The following IFT140 variants were observed in gnomAD, a reference collection of about 807,000 sequenced individuals.
IFT140 encodes intraflagellar transport protein 140 homolog.
A neutral mutation model predicts 164.6 loss-of-function variants in IFT140; 133 were observed. The observed-to-expected ratio is 0.81, with a 90% CI of 0.70 to 0.93. The LOEUF (loss-of-function observed/expected upper bound fraction) is 0.93, where lower values mean the gene tolerates loss of function less well. Among genes scored for constraint, IFT140 ranks in the 40% least tolerant of loss-of-function variants. IFT140 has a pLI of 0.00. For synonymous variants in IFT140, 860 were observed against 817.3 expected (o/e 1.05, Z -0.89); for missense variants, 2,045 against 1,972.3 (o/e 1.04, Z -0.70).
chr16:1,558,765 C>A (rs1204853212), intron 18 of IFT140, among the ~76,000 whole-genome samples: 1 of 152,238 alleles, frequency 6.6e-6, no homozygotes, highest in African/African-American at 2.4e-5. Context: ...ATCTGGATCC[C>A]GTTTCTCTGA....
At chr16:1,524,423 G>A in intron 24 of IFT140, 129 bp downstream of exon 24, 4 of 1,251,318 alleles carry the variant, frequency 3.2e-6, no homozygotes, top group East Asian at 2.5e-5. Context: ...CAGACGGGGT[G>A]AGCAGTGAGT....
intron 4 of IFT140, among the ~76,000 whole-genome samples, chr16:1,600,031 G>T (rs2035708204): frequency 6.8e-6 from 1 of 147,012 alleles, no homozygotes; most frequent in South Asian, 2.2e-4. Flanking sequence ...GTGGGGAAAA[G>T]ATTGAGAAAT....
At chr16:1,526,576 G>A in intron 20 of IFT140, 43 bp downstream of exon 20, 1 of 1,462,722 alleles carries the variant, frequency 6.8e-7, no homozygotes, top group Non-Finnish European at 9.0e-7. Context: ...GGCTGTGGCA[G>A]GCGTGGTGCC....
intron 19 of IFT140, 141 bp downstream of exon 19, chr16:1,557,794 T>G (rs771117941): frequency 1.0e-4 from 86 of 829,712 alleles, no homozygotes; most frequent in Middle Eastern, 7.3e-4. Context: ...TTTCATCGAG[T>G]GGGAAGACCA....
chr16:1,564,099 C>G lies in IFT140; in HGVS notation c.1965G>C (p.Gln655His). ...NYVPVNHFWD[Q>H]SEPRLFVCEA... is the part of the protein sequence containing the mutation. ...CGCATACAAACAGCCGGGGCTCACT[C>G]TGGTCCCAGAAGTGGTTCACGGGAA... is the stretch of plus-strand genomic sequence containing the variant. Residue 655 changes from glutamine to histidine, a missense_variant, in exon 17 of 31, where the codon CAG (glutamine) becomes CAC (histidine). By Grantham distance (24) the Gln-to-His change is conservative. Transcript: ENST00000426508. This position sits in a 1 kb window ranked among gnomAD's most constrained non-coding sequence, Gnocchi z 5.5. 6.2e-7 allele frequency: 1 copy of G among 1,602,092 alleles called. No individual in the cohort carries two copies. The highest frequency in any genetic ancestry group is 8.5e-7 in the Non-Finnish European group (1 of 1,170,718).
chr16:1,607,387 C>T, intron 2 of IFT140, 90 bp from the exon 3 acceptor site: 1 of 1,166,718 alleles, frequency 8.6e-7, no homozygotes, highest in Non-Finnish European at 1.2e-6. Flanking sequence ...GGAAGCATCC[C>T]AAAGCCACCA....
intron 15 of IFT140, among the ~76,000 whole-genome samples, chr16:1,566,569 C>T (rs1443358735): frequency 6.6e-6 from 1 of 152,184 alleles, no homozygotes; most frequent in East Asian, 1.9e-4. Flanking sequence ...TCAGGTGATC[C>T]TCCCACCTCA....
At chr16:1,517,144 G>A in intron 30 of IFT140, among the ~76,000 whole-genome samples, 1 of 152,288 alleles carries the variant, frequency 6.6e-6, no homozygotes, top group Admixed American at 6.5e-5. Context: ...GTGGAGGCGG[G>A]TGGATCACTT....
intron 26 of IFT140, among the ~76,000 whole-genome samples, chr16:1,522,356 C>CAAAATA (rs1305442507): frequency 2.0e-5 from 3 of 151,280 alleles, no homozygotes; most frequent in African/African-American, 2.4e-5. Flanking sequence ...GACTCTGTCT[C>CAAAATA]AAAATAAAAA....
chr16:1,594,304 T>C (rs1273443827), intron 4 of IFT140, among the ~76,000 whole-genome samples: 2 of 151,914 alleles, frequency 1.3e-5, no homozygotes, highest in Non-Finnish European at 2.9e-5. Context: ...CACTGCAGCC[T>C]CTGCTTCCAG....
chr16:1,564,147 C>T lies in IFT140; in HGVS notation c.1917G>A (p.Val639=). Residue 639 remains valine (V), a synonymous_variant, in exon 17 of 31, where the codon GTG becomes GTA. Coordinates refer to ENST00000426508, the MANE Select transcript of IFT140 (RefSeq NM_014714.4). This position sits in a 1 kb window ranked among gnomAD's most constrained non-coding sequence, Gnocchi z 5.5. ...GAACATAATTTTTCAGTCCCTCATC[C>T]ACAAAGAGGTGGCTCCTAAAAGACA... is the stretch of plus-strand genomic sequence containing the variant. ...EQETNKSHLF[V]DEGLKNYVPV... is the part of the protein sequence containing the mutation. The T allele has an allele frequency of 6.3e-7, 1 of 1,577,512 alleles. No individual in the cohort carries two copies. Among genetic ancestry groups the T allele is most frequent in the Non-Finnish European group, 8.7e-7 (1 of 1,154,116 alleles).
At chr16:1,525,752 G>A in intron 21 of IFT140, 135 bp downstream of exon 21, 2 of 938,136 alleles carry the variant, frequency 2.1e-6, no homozygotes, top group Non-Finnish European at 3.1e-6. Flanking sequence ...TTCCTGCCGA[G>A]AAGGCTGCCA....
At chr16:1,606,514 G>A (rs750690387) in intron 3 of IFT140, among the ~76,000 whole-genome samples, 5 of 152,134 alleles carry the variant, frequency 3.3e-5, no homozygotes, top group South Asian at 2.1e-4. Flanking sequence ...AGGCTGGAGC[G>A]CAATGGCGTG....
At position 1,555,397 on chromosome 16, in the gene IFT140, A is replaced by G. The variant is rs775472888; in HGVS notation, c.2399+2538T>C. The G allele has an allele frequency of 1.4e-5, 3 of 211,538 alleles. No homozygotes were observed. In the South Asian group the frequency reaches 2.9e-4, roughly 20 times the overall value. 13.1% of individuals were successfully genotyped at this position (211,538 alleles called of 1,614,324 possible). A position where few individuals can be genotyped will look rare whatever the true frequency, so the allele number is the denominator to read the frequency against. On this transcript the variant is annotated intron_variant, in intron 19 of 30. Transcript: ENST00000426508. The stretch of plus-strand genomic sequence containing the variant: ...ATCTGCTGAGAGGGGCACCCCAGCC[A>G]TATCTTACACTTTGGTAAAGCAGAA...
intron 14 of IFT140, among the ~76,000 whole-genome samples, chr16:1,569,514 T>TTTTC (rs919450284): frequency 4.8e-5 from 7 of 145,916 alleles, no homozygotes; most frequent in Admixed American, 2.1e-4. Flanking sequence ...TCTTTCCCTT[T>TTTTC]TTTCTTTCTT....
intron 19 of IFT140, among the ~76,000 whole-genome samples, chr16:1,546,740 CG>C (rs1319369063): frequency 5.3e-5 from 8 of 152,164 alleles, no homozygotes; most frequent in African/African-American, 1.7e-4. Flanking sequence ...ACACAGGGCC[CG>C]GGCCTCAGGG....
chr16:1,528,428 C>T (rs900169013), intron 19 of IFT140, among the ~76,000 whole-genome samples: 1 of 112,338 alleles, frequency 8.9e-6, no homozygotes, highest in Non-Finnish European at 1.7e-5. Flanking sequence ...CATGCACACA[C>T]AGATGCACAC....
rs1567330119 is a variant in IFT140, at chr16:1,525,875, G to GGCC, written c.2768+9_2768+11dup. The GGCC allele has an allele frequency of 6.6e-7, 1 of 1,524,754 alleles. No homozygotes were observed. Among genetic ancestry groups the GGCC allele is most frequent in the Non-Finnish European group, 8.8e-7 (1 of 1,136,092 alleles). The allele number at this position is 1,524,754 out of a possible 1,614,324, so 94.5% of individuals were successfully genotyped here. A position where few individuals can be genotyped will look rare whatever the true frequency, so the allele number is the denominator to read the frequency against. On this transcript the variant is annotated intron_variant, in intron 21 of 30. Transcript: ENST00000426508. ...AGAGAGGCAGGGAAGAGGCCGCGAG[G>GGCC]GCCGCACTCACTAACTGAGGGCCCG... is the stretch of plus-strand genomic sequence containing the variant.
intron 14 of IFT140, among the ~76,000 whole-genome samples, chr16:1,570,178 T>C (rs1344912661): frequency 6.6e-6 from 1 of 152,172 alleles, no homozygotes; most frequent in Admixed American, 6.5e-5. Flanking sequence ...ATAGCTCCTT[T>C]ATTGGAGGAT....
Sources: gnomAD v4.1 joint callset for allele counts (sites outside exome capture counted in the v4.1 genomes callset) on GRCh38, gnomAD v4.1.1 for gene constraint, Gnocchi (gnomAD v3.1) non-coding constraint, MANE v1.5 for transcripts, NCBI Gene and HGNC (gene_info 2026-07-23, HGNC 2026-07-21) for gene names.